The following FBXO28 variants were observed in gnomAD, a reference collection of about 807,000 sequenced individuals.
FBXO28 encodes F-box protein 28.
A neutral mutation model predicts 38.1 loss-of-function variants in FBXO28; 8 were observed. The ratio of observed to expected loss-of-function variants is 0.21; its 90% confidence interval spans 0.12 to 0.38. FBXO28 has a LOEUF of 0.38. Ranked by LOEUF, FBXO28 falls within the 10% of genes least tolerant of loss-of-function variation. FBXO28 has a pLI of 1.00. For synonymous variants in FBXO28, 168 were observed against 173.8 expected (o/e 0.97, Z 0.26); for missense variants, 345 against 460.6 (o/e 0.75, Z 2.30).
In FBXO28 at chr1:224,138,566, TTCTA is replaced by T. The variant is rs1437823550; in HGVS notation, c.516+4359_516+4362del. 4.0e-5 allele frequency among the ~76,000 whole-genome samples: 6 copies of T among 151,842 alleles called. 1 individual carries two copies. Among genetic ancestry groups the T allele is most frequent in the South Asian group, 4.1e-4 (2 of 4,828 alleles). On this transcript the variant is annotated intron_variant, in intron 3 of 4. Transcript: ENST00000366862. Reference sequence around the variant, plus strand: ...TACTCCTGTATACATTTCTCAAATCTTCTATCTAACACATGGAAGTTACACTTTT... The same window carrying T: ...TACTCCTGTATACATTTCTCAAATCTTCTAACACATGGAAGTTACACTTTT...
intron 2 of FBXO28, chr1:224,130,988 C>T (rs57441274): frequency 0.038 from 5,873 of 153,048 alleles, 342 homozygotes; most frequent in African/African-American, 0.13. Context: ...AATCCAAAAA[C>T]GAAATTCAAA....
rs565570872 is a variant in FBXO28 at position 224,160,683 on chromosome 1, A to G, written c.*2937A>G. The G allele has an allele frequency of 3.9e-5, 6 of 152,320 alleles. No individual in the cohort carries two copies. The South Asian group carries it at 8.3e-4, about 21-fold the overall frequency. 9.4% of individuals were successfully genotyped at this position (152,320 alleles called of 1,614,324 possible). A position where few individuals can be genotyped will look rare whatever the true frequency, so the allele number is the denominator to read the frequency against. On this transcript the variant is annotated 3_prime_UTR_variant, in exon 5 of 5. Coordinates refer to ENST00000366862, the MANE Select transcript of FBXO28 (RefSeq NM_015176.4). ...ATACTTTAAAATAGTTTTAAAGACT[A>G]TTGGGGTACCATCAGGTCAAAAGCC...
intron 3 of FBXO28, among the ~76,000 whole-genome samples, chr1:224,146,855 G>T (rs938985337): frequency 1.3e-5 from 2 of 151,360 alleles, no homozygotes; most frequent in African/African-American, 4.9e-5. Context: ...CTATAGGCAC[G>T]TGCCACCATG....
intron 3 of FBXO28, among the ~76,000 whole-genome samples, chr1:224,146,996 G>A (rs1015913883): frequency 5.3e-5 from 8 of 151,652 alleles, no homozygotes; most frequent in South Asian, 2.1e-4. Context: ...GTGAGCCACC[G>A]TGCCTGGCCA....
intron 3 of FBXO28, among the ~76,000 whole-genome samples, chr1:224,146,848 T>C (rs1572022718): frequency 6.6e-6 from 1 of 151,444 alleles, no homozygotes; most frequent in Middle Eastern, 3.2e-3. Context: ...GCTGGGACTA[T>C]AGGCACGTGC....
intron 3 of FBXO28, among the ~76,000 whole-genome samples, chr1:224,148,421 C>T (rs945877765): frequency 5.9e-5 from 9 of 152,196 alleles, no homozygotes; most frequent in African/African-American, 1.9e-4. Context: ...GAGGCCGAGG[C>T]AGGCGGATCA....
At chr1:224,155,008 A>T (rs1229189370) in intron 4 of FBXO28, among the ~76,000 whole-genome samples, 2 of 151,372 alleles carry the variant, frequency 1.3e-5, no homozygotes, top group Non-Finnish European at 2.9e-5. Context: ...AAGTTAAACC[A>T]TTGTAATTTG....
At chr1:224,147,555 G>T (rs1418160705) in intron 3 of FBXO28, among the ~76,000 whole-genome samples, 1 of 152,050 alleles carries the variant, frequency 6.6e-6, no homozygotes, top group Non-Finnish European at 1.5e-5. Context: ...TAATCTAGAG[G>T]TGATCTAGGT....
chr1:224,115,316 G>C (rs544379870), intron 1 of FBXO28, among the ~76,000 whole-genome samples: 1 of 152,190 alleles, frequency 6.6e-6, no homozygotes, highest in Non-Finnish European at 1.5e-5. Flanking sequence ...AGAAATTGAA[G>C]GAGGTGGACA....
rs956801854 is a variant in FBXO28, at chr1:224,114,649, G to T, written c.267+253G>T. On this transcript the variant is annotated intron_variant, in intron 1 of 4. Transcript: ENST00000366862. ...TCGCCTTGGGGGCTCCTTGCCCCCC[G>T]CCCGGAAGCGGGCCCTCTACGGGAG... Among the ~76,000 whole-genome samples the T allele has an allele frequency of 9.3e-5, 11 of 117,838 alleles. No homozygotes were observed. In the East Asian group the frequency reaches 2.9e-3, roughly 31 times the overall value. The allele number at this position is 117,838 out of a possible 152,430, so 77.3% of individuals were successfully genotyped here.
chr1:224,119,870 G>A (rs1256217284), intron 1 of FBXO28, among the ~76,000 whole-genome samples: 2 of 152,198 alleles, frequency 1.3e-5, no homozygotes, highest in Non-Finnish European at 2.9e-5. Flanking sequence ...AATTGTTAAT[G>A]TTCTAGATTA....
Position 224,161,535 on chromosome 1 carries a change from T to G in FBXO28, c.*3789T>G, listed in dbSNP as rs1657906934. ...ACACAAAAGGTTAAGTTAAAACTACTTTAAACTTGTATAGCCTGCCATCTG... is the reference window on the plus strand; with the variant it reads ...ACACAAAAGGTTAAGTTAAAACTACGTTAAACTTGTATAGCCTGCCATCTG... On this transcript the variant is annotated 3_prime_UTR_variant, in exon 5 of 5. Transcript: ENST00000366862. 1 of 152,244 alleles carries G rather than the reference T, an allele frequency of 6.6e-6. No homozygotes were observed. The highest frequency in any genetic ancestry group is 2.4e-5 in the African/African-American group (1 of 41,454). 9.4% of individuals were successfully genotyped at this position (152,244 alleles called of 1,614,324 possible). A position where few individuals can be genotyped will look rare whatever the true frequency, so the allele number is the denominator to read the frequency against.
At position 224,159,867 on chromosome 1, in the gene FBXO28, C is replaced by T. The variant is rs891813809; in HGVS notation, c.*2121C>T. 6.6e-6 allele frequency: 1 copy of T among 152,152 alleles called. No homozygotes were observed. The highest frequency in any genetic ancestry group is 1.5e-5 in the Non-Finnish European group (1 of 68,030). 9.4% of individuals were successfully genotyped at this position (152,152 alleles called of 1,614,324 possible). A position where few individuals can be genotyped will look rare whatever the true frequency, so the allele number is the denominator to read the frequency against. ...TTAAACTACATCTAGATAGCCTAAA[C>T]ATCTATGTAGTCTTCCATTAGTTAA... On this transcript the variant is annotated 3_prime_UTR_variant, in exon 5 of 5. Transcript: ENST00000366862.
At chr1:224,121,778 A>AT (rs879438256) in intron 1 of FBXO28, among the ~76,000 whole-genome samples, 30 of 145,892 alleles carry the variant, frequency 2.1e-4, no homozygotes, top group Admixed American at 2.7e-4. Flanking sequence ...TCCAAATAGA[A>AT]TTTTTTTTTT....
rs752507608 is a variant in FBXO28, at chr1:224,158,015, T to A, written c.*269T>A. On this transcript the variant is annotated 3_prime_UTR_variant, in exon 5 of 5. Transcript: ENST00000366862. Reference sequence around the variant, plus strand: ...AGTTAACTTTTTTCTGTGCAGATAATGTTGAAAGTAAGTTAATTTGTTTCT... The same window carrying A: ...AGTTAACTTTTTTCTGTGCAGATAAAGTTGAAAGTAAGTTAATTTGTTTCT... 1 of 1,198,056 alleles carries A rather than the reference T, an allele frequency of 8.3e-7. No homozygotes were observed. Among genetic ancestry groups the A allele is most frequent in the Non-Finnish European group, 1.0e-6 (1 of 965,464 alleles). The allele number at this position is 1,198,056 out of a possible 1,614,324, so 74.2% of individuals were successfully genotyped here.
chr1:224,157,156 A>T (rs1657792373), intron 4 of FBXO28, among the ~76,000 whole-genome samples, 196 bp from the exon 5 acceptor site: 1 of 152,216 alleles, frequency 6.6e-6, no homozygotes, highest in South Asian at 2.1e-4. Flanking sequence ...GAGCAGGAGA[A>T]TCAGAATTTA....
chr1:224,146,702 ATT>A (rs5781350), intron 3 of FBXO28, among the ~76,000 whole-genome samples: 177 of 110,318 alleles, frequency 1.6e-3, no homozygotes, highest in African/African-American at 6.2e-3. Context: ...TAAAACTAAA[ATT>A]TTTTTTTTTT....
Position 224,161,300 on chromosome 1 carries a change from C to G in FBXO28, c.*3554C>G, listed in dbSNP as rs1468313465. 1 of 152,154 alleles carries G rather than the reference C, an allele frequency of 6.6e-6. No homozygotes were observed. The highest frequency in any genetic ancestry group is 6.5e-5 in the Admixed American group (1 of 15,280). The allele number at this position is 152,154 out of a possible 1,614,324, so 9.4% of individuals were successfully genotyped here. On this transcript the variant is annotated 3_prime_UTR_variant, in exon 5 of 5. Transcript: ENST00000366862. ...GATCAGCACATTCTTATATCCTGCT[C>G]TAGCAATGAGTACCCATTTGTTACA... is the stretch of plus-strand genomic sequence containing the variant.
intron 4 of FBXO28, 73 bp downstream of exon 4, chr1:224,153,410 G>C: frequency 8.8e-7 from 1 of 1,138,338 alleles, no homozygotes; most frequent in South Asian, 1.7e-5. Flanking sequence ...CTTAACCAGT[G>C]TCTTGAACTT....
Sources: allele counts gnomAD v4.1 joint callset (sites outside exome capture counted in the v4.1 genomes callset), GRCh38; gene constraint gnomAD v4.1.1; transcripts MANE v1.5; gene names NCBI Gene and HGNC (gene_info 2026-07-23, HGNC 2026-07-21).